UNC79: variants seen among roughly 807,000 people sequenced by gnomAD.
UNC79 encodes the protein protein unc-79 homolog.
Under a neutral mutation model 283.1 loss-of-function variants are expected in UNC79, and 37 were observed. The ratio of observed to expected loss-of-function variants is 0.13; its 90% CI spans 0.10 to 0.17. UNC79 has a LOEUF of 0.17. UNC79 is among the 10% of genes least tolerant of loss of function. The pLI is 1.00. For missense variants in UNC79, 2,272 were observed against 3,211.1 expected (o/e 0.71, Z 7.07); for synonymous variants, 1,107 against 1,200.2 (o/e 0.92, Z 1.61).
At chr14:93,429,209 G>C (rs2055796800), upstream of UNC79, among the ~76,000 whole-genome samples, 2 of 152,272 alleles carry the variant, frequency 1.3e-5, no homozygotes, top group South Asian at 4.1e-4. Context: ...TCTTTAGAAT[G>C]ATTCCAATTT....
chr14:93,532,442 C>A, intron 10 of UNC79, 108 bp from the exon 11 acceptor site: 2 of 1,333,216 alleles, frequency 1.5e-6, no homozygotes, highest in South Asian at 1.5e-5. Flanking sequence ...TGCACTCCAG[C>A]CTGATTGACA....
exon 30 of UNC79, chr14:93,622,746 G>A: frequency 6.2e-7 from 1 of 1,614,150 alleles, no homozygotes; most frequent in Non-Finnish European, 8.5e-7. Flanking sequence ...CCCAGGCAGA[G>A]GAAGCAGAGG....
intron 1 of UNC79, among the ~76,000 whole-genome samples, chr14:93,398,842 G>C (rs753807760): frequency 2.0e-5 from 3 of 152,152 alleles, no homozygotes; most frequent in Non-Finnish European, 4.4e-5. Context: ...AAGGACTGTG[G>C]CATGTACCCA....
chr14:93,569,463 G>A (rs2063091619), intron 14 of UNC79, among the ~76,000 whole-genome samples: 1 of 152,080 alleles, frequency 6.6e-6, no homozygotes, highest in African/African-American at 2.4e-5. Flanking sequence ...TAAAAAATAA[G>A]AGATTGCTGT....
At chr14:93,683,901 T>C (rs772064476) in intron 42 of UNC79, among the ~76,000 whole-genome samples, 2 of 151,732 alleles carry the variant, frequency 1.3e-5, no homozygotes, top group Admixed American at 1.3e-4. Context: ...GGAAGCTGCA[T>C]ATCTTTAATG....
At chr14:93,572,586 A>G in intron 15 of UNC79, 107 bp from the exon 16 acceptor site, 1 of 1,500,100 alleles carries the variant, frequency 6.7e-7, no homozygotes, top group Non-Finnish European at 9.0e-7. Flanking sequence ...AAACTAATCT[A>G]AAAGGCTTGG....
chr14:93,405,081 G>A (rs945824768), intron 1 of UNC79, among the ~76,000 whole-genome samples: 3 of 151,960 alleles, frequency 2.0e-5, no homozygotes, highest in African/African-American at 7.2e-5. Context: ...TCGGTAGTTC[G>A]AGACCCGCCT....
intron 35 of UNC79, among the ~76,000 whole-genome samples, chr14:93,652,869 G>A (rs1054256213): frequency 9.9e-5 from 15 of 151,874 alleles, no homozygotes; most frequent in African/African-American, 3.6e-4. Flanking sequence ...TTAGTTTTAG[G>A]GCTATGCTGC....
exon 4 of UNC79, chr14:93,477,631 G>C: frequency 6.2e-7 from 1 of 1,612,208 alleles, no homozygotes; most frequent in Non-Finnish European, 8.5e-7. Context: ...TGAGTACTTT[G>C]CCCTACACGA....
chr14:93,575,250 C>T lies in UNC79; in HGVS notation c.2211+52C>T, dbSNP rs753667661. Reference sequence around the variant, plus strand: ...CTTGCTTTTAAAAATCTTGAAAACCCTTGTCAGTTATCCTACGCCTGAAAG... The same window carrying T: ...CTTGCTTTTAAAAATCTTGAAAACCTTTGTCAGTTATCCTACGCCTGAAAG... On this transcript the variant is annotated intron_variant, in intron 17 of 48. Coordinates refer to ENST00000555664, the Ensembl canonical transcript of UNC79. 16 of 1,610,330 alleles carry T rather than the reference C, an allele frequency of 9.9e-6. No homozygotes were observed. In the East Asian group the frequency reaches 2.9e-4, roughly 29 times the overall value.
intron 7 of UNC79, among the ~76,000 whole-genome samples, chr14:93,511,568 C>T (rs190234551): frequency 2.0e-4 from 31 of 152,266 alleles, no homozygotes; most frequent in African/African-American, 7.0e-4. Flanking sequence ...CTGCCTCAGC[C>T]TCCCGAGTAG....
intron 1 of UNC79, among the ~76,000 whole-genome samples, chr14:93,357,943 G>A: frequency 4.9e-5 from 1 of 20,416 alleles, no homozygotes; most frequent in African/African-American, 3.9e-4. Flanking sequence ...ATGGATATAT[G>A]GAGATATATA....
rs181414867 is a variant in UNC79 at position 93,611,887 on chromosome 14, A to G, written c.3755-910A>G. ...GAGTATTTTGAATAATCCCCAAACC[A>G]TAAATATAGAAGAGCAAATATCAGT... On this transcript the variant is annotated intron_variant, in intron 26 of 48. Transcript: ENST00000555664. Among the ~76,000 whole-genome samples, 4 of 152,292 alleles carry G rather than the reference A, an allele frequency of 2.6e-5. No individual in the cohort carries two copies. The East Asian group carries it at 7.7e-4, about 29-fold the overall frequency.
chr14:93,477,427 T>A, intron 3 of UNC79, 131 bp from the exon 4 acceptor site: 1 of 661,242 alleles, frequency 1.5e-6, no homozygotes, highest in Non-Finnish European at 2.4e-6. Context: ...TTATGTTTCA[T>A]AACACTTAAT....
intron 47 of UNC79, among the ~76,000 whole-genome samples, chr14:93,699,840 C>T (rs1412283581): frequency 6.6e-6 from 1 of 152,120 alleles, no homozygotes; most frequent in African/African-American, 2.4e-5. Flanking sequence ...GTTATATTTG[C>T]TATAATTGCC....
chr14:93,597,675 C>A, intron 24 of UNC79, 135 bp downstream of exon 24: 1 of 1,036,488 alleles, frequency 9.6e-7, no homozygotes, highest in Non-Finnish European at 1.4e-6. Context: ...TTATAAACAA[C>A]AGAAATTTAT....
chr14:93,641,335 C>A, intron 33 of UNC79, 88 bp downstream of exon 36: 1 of 1,306,316 alleles, frequency 7.7e-7, no homozygotes, highest in Non-Finnish European at 1.1e-6. Flanking sequence ...AAAAAGCATG[C>A]TTTGCTTTTA....
At chr14:93,697,907 G>A (rs139047891) in intron 47 of UNC79, among the ~76,000 whole-genome samples, 108 of 152,286 alleles carry the variant, frequency 7.1e-4, no homozygotes, top group African/African-American at 2.3e-3. Context: ...CACTGGTTTA[G>A]CTGCATCCAA....
chr14:93,523,779 C>G (rs868642099), intron 7 of UNC79, among the ~76,000 whole-genome samples, 199 bp from the exon 8 acceptor site: 2 of 152,156 alleles, frequency 1.3e-5, no homozygotes, highest in Admixed American at 6.5e-5. Context: ...ATTGGCTTAT[C>G]TCTTATCCTA....
Sources: allele counts gnomAD v4.1 joint callset (sites outside exome capture counted in the v4.1 genomes callset), GRCh38; gene constraint gnomAD v4.1.1; transcripts MANE v1.5; gene names NCBI Gene and HGNC (gene_info 2026-07-23, HGNC 2026-07-21).